The following RBFOX1 variants were observed in gnomAD, a reference collection of about 807,000 sequenced individuals.
RBFOX1 encodes the protein RNA binding fox-1 homolog 1.
A neutral mutation model predicts 57.7 loss-of-function variants in RBFOX1; 8 were observed. That is an observed-to-expected ratio of 0.14 (90% confidence interval 0.08 to 0.25). RBFOX1 has a LOEUF of 0.25. Among genes scored for constraint, RBFOX1 ranks in the 10% least tolerant of loss-of-function variants. The pLI is 1.00. For missense variants in RBFOX1, 611 were observed against 548.5 expected, an observed-to-expected ratio of 1.11 and a Z score of -1.14; for synonymous variants, 326 against 222.4, an observed-to-expected ratio of 1.47 and a Z score of -4.15.
intron 1 of RBFOX1, among the ~76,000 whole-genome samples, chr16:5,415,810 AG>A (rs1416657535): frequency 1.3e-5 from 2 of 152,198 alleles, no homozygotes; most frequent in Non-Finnish European, 2.9e-5. Context: ...CAGTGGTGAA[AG>A]AATGTCCTGT....
chr16:7,128,593 C>G (rs140407779), intron 4 of RBFOX1, among the ~76,000 whole-genome samples: 302 of 152,240 alleles, frequency 2.0e-3, no homozygotes, highest in African/African-American at 7.0e-3. Flanking sequence ...CAAAGGTACT[C>G]AAAGCCTGGA....
intron 4 of RBFOX1, among the ~76,000 whole-genome samples, chr16:7,492,417 C>G (rs1302658824): frequency 6.6e-6 from 1 of 151,872 alleles, no homozygotes; most frequent in Non-Finnish European, 1.5e-5. Context: ...TATAATCATT[C>G]TTTAGTTTCC....
At chr16:7,350,568 G>T (rs1044542097) in intron 4 of RBFOX1, among the ~76,000 whole-genome samples, 2 of 152,156 alleles carry the variant, frequency 1.3e-5, no homozygotes, top group African/African-American at 4.8e-5. Context: ...AGTGGGAGGA[G>T]GATGGACAAA....
chr16:7,411,361 C>T (rs1030947002), intron 4 of RBFOX1, among the ~76,000 whole-genome samples: 20 of 152,106 alleles, frequency 1.3e-4, no homozygotes, highest in African/African-American at 4.6e-4. Context: ...GTTTCCCCGA[C>T]AGTGTATGGA....
chr16:6,951,367 A>G (rs2080727593), intron 3 of RBFOX1, among the ~76,000 whole-genome samples: 1 of 152,150 alleles, frequency 6.6e-6, no homozygotes, highest in South Asian at 2.1e-4. Flanking sequence ...TTTCTACCAA[A>G]TAAATCACCC....
chr16:7,496,706 T>C (rs1221245764), intron 4 of RBFOX1, among the ~76,000 whole-genome samples: 1 of 128,804 alleles, frequency 7.8e-6, no homozygotes, highest in Non-Finnish European at 1.7e-5. Context: ...TTTTTTTAAA[T>C]TTGACCACTG....
chr16:7,593,236 A>C (rs1363568693), intron 7 of RBFOX1, among the ~76,000 whole-genome samples: 2 of 152,210 alleles, frequency 1.3e-5, no homozygotes, highest in Non-Finnish European at 2.9e-5. Flanking sequence ...ATTCTAATCC[A>C]GTGGATACAA....
chr16:6,962,644 T>G (rs1014086082), intron 3 of RBFOX1, among the ~76,000 whole-genome samples: 2 of 152,088 alleles, frequency 1.3e-5, no homozygotes, highest in Admixed American at 6.6e-5. Context: ...GCCGGTAGAT[T>G]GGTTGAACTC....
intron 3 of RBFOX1, among the ~76,000 whole-genome samples, chr16:5,721,637 C>G (rs1049845266): frequency 6.6e-6 from 1 of 152,116 alleles, no homozygotes; most frequent in Non-Finnish European, 1.5e-5. Flanking sequence ...TGAAAACATT[C>G]TCTTATGTTC....
chr16:6,935,617 C>A (rs918034197), intron 3 of RBFOX1, among the ~76,000 whole-genome samples: 2 of 152,206 alleles, frequency 1.3e-5, no homozygotes, highest in African/African-American at 4.8e-5. Flanking sequence ...CATGTACACA[C>A]AAGCACACGC....
chr16:7,482,457 C>G (rs778067334), intron 4 of RBFOX1, among the ~76,000 whole-genome samples: 2 of 142,372 alleles, frequency 1.4e-5, no homozygotes, highest in Admixed American at 1.4e-4. Context: ...GCCCCTCCTT[C>G]CATTTCATCC....
intron 1 of RBFOX1, among the ~76,000 whole-genome samples, chr16:5,249,019 A>C: frequency 6.7e-6 from 1 of 149,914 alleles, no homozygotes; most frequent in African/African-American, 2.4e-5. Flanking sequence ...AAAAGAGGAC[A>C]AGAGGAGGAG....
chr16:5,282,847 G>T (rs1461930222), intron 1 of RBFOX1, among the ~76,000 whole-genome samples: 3 of 152,194 alleles, frequency 2.0e-5, no homozygotes, highest in Non-Finnish European at 4.4e-5. Context: ...ATTCGATCTG[G>T]CTGCAGAAAT....
intron 4 of RBFOX1, among the ~76,000 whole-genome samples, chr16:5,981,830 G>C (rs570684551): frequency 1.3e-5 from 2 of 152,180 alleles, no homozygotes; most frequent in African/African-American, 2.4e-5. Context: ...TTGACAATGT[G>C]CATGGGATAT....
intron 14 of RBFOX1, among the ~76,000 whole-genome samples, chr16:7,680,424 T>G (rs2074436652): frequency 2.0e-5 from 3 of 152,118 alleles, no homozygotes; most frequent in Admixed American, 2.0e-4. Flanking sequence ...TCTTAACATT[T>G]CCTAATGATC....
intron 4 of RBFOX1, among the ~76,000 whole-genome samples, chr16:7,287,947 A>G (rs955557648): frequency 1.3e-5 from 2 of 152,184 alleles, no homozygotes; most frequent in Non-Finnish European, 2.9e-5. Flanking sequence ...ATCTAGCCCA[A>G]ATGAAATGAG....
At chr16:5,373,728 C>T (rs982874583) in intron 1 of RBFOX1, among the ~76,000 whole-genome samples, 15 of 151,790 alleles carry the variant, frequency 9.9e-5, no homozygotes, top group African/African-American at 3.6e-4. Flanking sequence ...CTCAGCCTCC[C>T]AAGCAGCTGG....
chr16:5,499,674 G>A (rs986416269), intron 2 of RBFOX1, among the ~76,000 whole-genome samples: 30 of 151,856 alleles, frequency 2.0e-4, no homozygotes, highest in African/African-American at 7.0e-4. Flanking sequence ...CCGGGTTCAA[G>A]CCATTCTCCT....
chr16:5,613,330 C>T (rs138788018), intron 3 of RBFOX1, among the ~76,000 whole-genome samples: 1 of 152,282 alleles, frequency 6.6e-6, no homozygotes, highest in East Asian at 1.9e-4. Context: ...CCAATATAAG[C>T]CTACCAGGTT....
Sources: allele counts gnomAD v4.1 joint callset (sites outside exome capture counted in the v4.1 genomes callset), GRCh38; gene constraint gnomAD v4.1.1; transcripts MANE v1.5; gene names NCBI Gene and HGNC (gene_info 2026-07-23, HGNC 2026-07-21).